The following SCAMP1 variants were observed in gnomAD, a reference collection of about 807,000 sequenced individuals.
The protein encoded by SCAMP1 is secretory carrier membrane protein 1.
SCAMP1 carries 15 observed loss-of-function variants against 41.8 expected under a neutral mutation model. The observed-to-expected ratio is 0.36, with a 90% confidence interval of 0.24 to 0.55. SCAMP1 has a LOEUF of 0.55. Ranked by LOEUF, SCAMP1 falls within the 20% of genes least tolerant of loss-of-function variation. The pLI is 0.86. For synonymous variants in SCAMP1, 135 were observed against 136.8 expected, an observed-to-expected ratio of 0.99 and a Z score of 0.09; for missense variants, 341 against 412.6, an observed-to-expected ratio of 0.83 and a Z score of 1.50.
intron 6 of SCAMP1, among the ~76,000 whole-genome samples, chr5:78,424,206 G>C (rs62364262): frequency 0.046 from 6,929 of 152,128 alleles, 223 homozygotes; most frequent in Non-Finnish European, 0.074. Flanking sequence ...GGGGAAAGTT[G>C]AATTAAAGTA....
intron 6 of SCAMP1, among the ~76,000 whole-genome samples, chr5:78,428,409 C>T (rs1183047051): frequency 6.6e-6 from 1 of 152,122 alleles, no homozygotes. Context: ...ATTGTTTGGA[C>T]ACTTTTCTTG....
rs76262728 is a variant in SCAMP1 at position 78,452,186 on chromosome 5, T to C, written c.734+2152T>C. On this transcript the variant is annotated intron_variant, in intron 7 of 8. Transcript: ENST00000621999. Reference sequence around the variant, plus strand: ...ATGTTGCACATTTAGTTTTCTTTTCTTTTTTTTTTTATTATACTTTAAGTT... The same window carrying C: ...ATGTTGCACATTTAGTTTTCTTTTCCTTTTTTTTTTATTATACTTTAAGTT... Among the ~76,000 whole-genome samples the C allele has an allele frequency of 3.5e-3, 457 of 131,734 alleles. 5 individuals carry two copies. Among genetic ancestry groups the C allele is most frequent in the African/African-American group, 0.015 (439 of 28,324 alleles). 86.4% of individuals were successfully genotyped at this position (131,734 alleles called of 152,430 possible).
chr5:78,438,035 G>T (rs1178459562), intron 6 of SCAMP1, among the ~76,000 whole-genome samples: 1 of 152,158 alleles, frequency 6.6e-6, no homozygotes, highest in African/African-American at 2.4e-5. Flanking sequence ...ATGGTAGTTT[G>T]TATGTCTGTA....
intron 8 of SCAMP1, among the ~76,000 whole-genome samples, chr5:78,464,449 T>C (rs1425077309): frequency 2.0e-5 from 3 of 152,228 alleles, no homozygotes; most frequent in Admixed American, 6.5e-5. Context: ...TAATTCACTT[T>C]CTTAGATACC....
rs566299052 is a variant in SCAMP1 at position 78,413,877 on chromosome 5, T to C, written c.136-1643T>C. Among the ~76,000 whole-genome samples, 9 of 152,278 alleles carry C rather than the reference T, an allele frequency of 5.9e-5. No individual in the cohort carries two copies. The East Asian group carries it at 1.7e-3, about 29-fold the overall frequency. On this transcript the variant is annotated intron_variant, in intron 2 of 8. Transcript: ENST00000621999. ...TGGTTTTAATAGTTCTTAAGATCCT[T>C]GAACGTCCTTGTGCAGCTTCTTTCT... is the stretch of plus-strand genomic sequence containing the variant.
intron 8 of SCAMP1, among the ~76,000 whole-genome samples, chr5:78,468,811 CATT>C (rs1451707526): frequency 6.6e-6 from 1 of 152,080 alleles, no homozygotes; most frequent in Non-Finnish European, 1.5e-5. Flanking sequence ...GATTAAGTCT[CATT>C]AGTTGGTGTT....
intron 7 of SCAMP1, among the ~76,000 whole-genome samples, chr5:78,456,294 T>A (rs1488973400): frequency 6.6e-6 from 1 of 151,602 alleles, no homozygotes; most frequent in South Asian, 2.1e-4. Flanking sequence ...GGTCTTTACA[T>A]TTTGGCATGA....
In SCAMP1 at chr5:78,478,834, T is replaced by C. The variant is rs1018314598; in HGVS notation, c.*3166T>C. On this transcript the variant is annotated 3_prime_UTR_variant, in exon 9 of 9. Coordinates refer to ENST00000621999, the MANE Select transcript of SCAMP1 (RefSeq NM_004866.6). ...ACATGTTAAAAAAGGAACAGTATTC[T>C]TTATTTTCTGGGTGTTATATTTAAA... 3 of 152,194 alleles carry C rather than the reference T, an allele frequency of 2.0e-5. No individual in the cohort carries two copies. The allele number at this position is 152,194 out of a possible 1,614,324, so 9.4% of individuals were successfully genotyped here.
intron 2 of SCAMP1, among the ~76,000 whole-genome samples, chr5:78,412,964 C>T (rs1752117896): frequency 6.6e-6 from 1 of 152,176 alleles, no homozygotes; most frequent in South Asian, 2.1e-4. Flanking sequence ...ATTTTGGGTA[C>T]TTGGGATAGG....
At chr5:78,387,014 G>A (rs185665528) in intron 1 of SCAMP1, among the ~76,000 whole-genome samples, 76 of 152,194 alleles carry the variant, frequency 5.0e-4, no homozygotes, top group East Asian at 3.9e-3. Context: ...TAGCAAGGCC[G>A]GGGAAGTTTT....
At chr5:78,416,768 A>T (rs961088891) in intron 4 of SCAMP1, 119 bp downstream of exon 4, 5 of 684,746 alleles carry the variant, frequency 7.3e-6, no homozygotes, top group Non-Finnish European at 1.2e-5. Context: ...CTGTTCTAAC[A>T]AGGAGATCAG....
intron 7 of SCAMP1, among the ~76,000 whole-genome samples, chr5:78,456,298 G>T (rs2112222908): frequency 6.6e-6 from 1 of 151,078 alleles, no homozygotes; most frequent in South Asian, 2.1e-4. Flanking sequence ...TTTACATTTT[G>T]GCATGATTTT....
At chr5:78,472,887 G>A (rs1196063992) in intron 8 of SCAMP1, among the ~76,000 whole-genome samples, 1 of 152,120 alleles carries the variant, frequency 6.6e-6, no homozygotes, top group African/African-American at 2.4e-5. Context: ...AAACTTGGGG[G>A]AAGAGGGGAA....
chr5:78,377,269 G>T (rs1751088974), intron 1 of SCAMP1, among the ~76,000 whole-genome samples: 1 of 152,102 alleles, frequency 6.6e-6, no homozygotes. Context: ...GTTCCCCTCA[G>T]ATGCTTTACC....
intron 1 of SCAMP1, among the ~76,000 whole-genome samples, chr5:78,369,168 G>A (rs773612982): frequency 6.6e-6 from 1 of 151,306 alleles, no homozygotes; most frequent in Non-Finnish European, 1.5e-5. Flanking sequence ...GTGCAGTGGC[G>A]TGATCTCGGC....
chr5:78,428,714 A>G (rs1384642197), intron 6 of SCAMP1, among the ~76,000 whole-genome samples: 1 of 152,118 alleles, frequency 6.6e-6, no homozygotes, highest in Non-Finnish European at 1.5e-5. Context: ...TTTGGGGAGA[A>G]TTAATACCCT....
chr5:78,436,400 A>G (rs959328662), intron 6 of SCAMP1, among the ~76,000 whole-genome samples: 3 of 152,176 alleles, frequency 2.0e-5, no homozygotes, highest in Non-Finnish European at 2.9e-5. Flanking sequence ...TAATTTTTGT[A>G]TAAGGTATAA....
chr5:78,465,244 C>G (rs550579713), intron 8 of SCAMP1, among the ~76,000 whole-genome samples: 3 of 152,262 alleles, frequency 2.0e-5, no homozygotes, highest in Admixed American at 1.3e-4. Flanking sequence ...TTAAGCACCC[C>G]CCGCGTGAAC....
At chr5:78,471,219 A>G (rs1252555543) in intron 8 of SCAMP1, among the ~76,000 whole-genome samples, 1 of 152,184 alleles carries the variant, frequency 6.6e-6, no homozygotes, top group African/African-American at 2.4e-5. Context: ...GGTACTCTCA[A>G]TAGGGAAAGC....
Sources: allele counts gnomAD v4.1 joint callset (sites outside exome capture counted in the v4.1 genomes callset), GRCh38; gene constraint gnomAD v4.1.1; transcripts MANE v1.5; gene names NCBI Gene and HGNC (gene_info 2026-07-23, HGNC 2026-07-21).